PRDM15: variants seen among roughly 807,000 people sequenced by gnomAD.
PRDM15 encodes the protein PR/SET domain 15, also known as PR domain zinc finger protein 15.
A neutral mutation model predicts 128.6 loss-of-function variants in PRDM15; 64 were observed. That is an observed-to-expected ratio of 0.50 (90% CI 0.41 to 0.61). The LOEUF (loss-of-function observed/expected upper bound fraction) is 0.61, where lower values mean the gene tolerates loss of function less well. Among genes scored for constraint, PRDM15 ranks in the 20% least tolerant of loss-of-function variants. PRDM15 has a pLI of 0.00. For missense variants in PRDM15, 1,242 were observed against 1,569.1 expected, an observed-to-expected ratio of 0.79 and a Z score of 3.52; for synonymous variants, 615 against 621.8, an observed-to-expected ratio of 0.99 and a Z score of 0.16.
Position 41,839,690 on chromosome 21 carries a change from C to T in PRDM15, c.804G>A (p.Arg268=), listed in dbSNP as rs201971425. 4 of 1,614,146 alleles carry T rather than the reference C, an allele frequency of 2.5e-6. No individual in the cohort carries two copies. The highest frequency in any genetic ancestry group is 1.1e-5 in the South Asian group (1 of 91,090). Residue 268 remains arginine, a synonymous_variant, in exon 7 of 24, where the codon AGG becomes AGA. Coordinates refer to ENST00000398548, the MANE Select transcript of PRDM15 (RefSeq NM_001040424.3). The stretch of plus-strand genomic sequence containing the variant: ...CTTTGGACACTTTGGGTTTTCTCCC[C>T]CTTCGAGGCTTTTTCTTCTGTTCTT... ...ATKEQKKKPR[R]GRKPKVSKAE...
rs963445572 is a variant in PRDM15 at position 41,803,651 on chromosome 21, C to T, written c.2734-730G>A. Among the ~76,000 whole-genome samples the T allele has an allele frequency of 1.5e-4, 23 of 152,286 alleles. No individual in the cohort carries two copies. In the East Asian group the frequency reaches 3.9e-3, roughly 26 times the overall value. On this transcript the variant is annotated intron_variant, in intron 22 of 23. Coordinates refer to ENST00000398548, the MANE Select transcript of PRDM15 (RefSeq NM_001040424.3). ...ACACCGCTGTCATGGTGGGACGACC[C>T]GTCCCCCCCATGCCTGTGACTTGCC...
chr21:41,860,482 G>C, intron 1 of PRDM15, 110 bp from the exon 2 acceptor site: 3 of 894,126 alleles, frequency 3.4e-6, no homozygotes, highest in Non-Finnish European at 5.3e-6. Context: ...GAGTACAGTG[G>C]CAGGATCTTG....
chr21:41,853,141 G>A (rs1179034180), intron 5 of PRDM15, among the ~76,000 whole-genome samples: 1 of 152,232 alleles, frequency 6.6e-6, no homozygotes, highest in Non-Finnish European at 1.5e-5. Flanking sequence ...CATTTCTGAC[G>A]TGAAGGCACT....
At chr21:41,803,470 T>G (rs116065629) in intron 22 of PRDM15, among the ~76,000 whole-genome samples, 3,972 of 152,298 alleles carry the variant, frequency 0.026, 186 homozygotes, top group African/African-American at 0.09. Context: ...GACCACATCC[T>G]CTGAACCGGG....
chr21:41,876,660 G>C (rs1219766474), intron 1 of PRDM15, among the ~76,000 whole-genome samples: 1 of 152,160 alleles, frequency 6.6e-6, no homozygotes, highest in Non-Finnish European at 1.5e-5. Context: ...CCCCGGGGCA[G>C]GGTCTTCTCC....
chr21:41,873,552 G>A (rs1480207613), intron 1 of PRDM15, among the ~76,000 whole-genome samples: 2 of 152,156 alleles, frequency 1.3e-5, no homozygotes, highest in Non-Finnish European at 1.5e-5. Context: ...CTGAAATTCT[G>A]TGACCTGCTT....
chr21:41,850,082 GA>G (rs1185218852), intron 5 of PRDM15, among the ~76,000 whole-genome samples: 1 of 152,242 alleles, frequency 6.6e-6, no homozygotes, highest in Non-Finnish European at 1.5e-5. Context: ...CTTTTCACCA[GA>G]AAGGTGATTT....
chr21:41,834,361 T>C, intron 11 of PRDM15: 2 of 726,886 alleles, frequency 2.8e-6, no homozygotes, highest in South Asian at 1.7e-5. Flanking sequence ...GCGACAGCCC[T>C]GGTCAGAGCC....
rs1423979577 is a variant in PRDM15 at position 41,828,142 on chromosome 21, C to T, written c.1534+24G>A. Reference sequence around the variant, plus strand: ...CGCAGGAGCTGCCTCTCCCCGCCCGCAGCAGGTGCGCAGGCGGCCTCACCT... The same window carrying T: ...CGCAGGAGCTGCCTCTCCCCGCCCGTAGCAGGTGCGCAGGCGGCCTCACCT... On this transcript the variant is annotated intron_variant, in intron 12 of 23. Transcript: ENST00000398548. This position sits in a 1 kb window ranked among gnomAD's most constrained non-coding sequence, Gnocchi z 5.7. The T allele has an allele frequency of 1.2e-6, 2 of 1,611,296 alleles. No individual in the cohort carries two copies. The highest frequency in any genetic ancestry group is 1.7e-6 in the Non-Finnish European group (2 of 1,179,316).
rs1601524162 is a variant in PRDM15 at position 41,879,195 on chromosome 21, G to A, written c.-10+75C>T. 1 of 798,868 alleles carries A rather than the reference G, an allele frequency of 1.3e-6. No homozygotes were observed. The highest frequency in any genetic ancestry group is 1.9e-5 in the African/African-American group (1 of 52,680). 49.5% of individuals were successfully genotyped at this position (798,868 alleles called of 1,614,324 possible). ...GGCCCAGGGCGCGCCGGGGCTCGCG[G>A]GGGCAGCGGGTGCGGCCCGGGGCCG... On this transcript the variant is annotated intron_variant, in intron 1 of 23. Coordinates refer to ENST00000398548, the MANE Select transcript of PRDM15 (RefSeq NM_001040424.3). The surrounding 1 kb of genome is among the most constrained non-coding windows in gnomAD (Gnocchi z 5.1).
chr21:41,818,859 C>T (rs2062145178), intron 18 of PRDM15, among the ~76,000 whole-genome samples: 1 of 152,112 alleles, frequency 6.6e-6, no homozygotes, highest in African/African-American at 2.4e-5. Context: ...TAAGTTGAGA[C>T]ATCTTATTAC....
intron 11 of PRDM15, among the ~76,000 whole-genome samples, chr21:41,829,026 C>T (rs1009547737): frequency 2.7e-5 from 4 of 146,754 alleles, no homozygotes; most frequent in Non-Finnish European, 6.0e-5. Context: ...ATACACACTA[C>T]ACACACACGC....
rs575597527 is a variant in PRDM15, at chr21:41,800,227, C to T, written c.*1013G>A. 2 of 152,258 alleles carry T rather than the reference C, an allele frequency of 1.3e-5. No homozygotes were observed. Among genetic ancestry groups the T allele is most frequent in the South Asian group, 4.2e-4 (2 of 4,818 alleles). The allele number at this position is 152,258 out of a possible 1,614,324, so 9.4% of individuals were successfully genotyped here. A position where few individuals can be genotyped will look rare whatever the true frequency, so the allele number is the denominator to read the frequency against. On this transcript the variant is annotated 3_prime_UTR_variant, in exon 24 of 24. Transcript: ENST00000398548. ...AACAGAAGGAAAATATGACTTTTCC[C>T]CCGTTTCTTCCACTCGGGATTCTGG...
chr21:41,873,663 T>G (rs2064295101), intron 1 of PRDM15, among the ~76,000 whole-genome samples: 1 of 152,192 alleles, frequency 6.6e-6, no homozygotes, highest in Admixed American at 6.5e-5. Flanking sequence ...CTGAACCTCT[T>G]AGTTTCATCA....
intron 22 of PRDM15, among the ~76,000 whole-genome samples, chr21:41,804,123 T>C (rs950118626): frequency 2.0e-5 from 3 of 152,038 alleles, no homozygotes; most frequent in Non-Finnish European, 2.9e-5. Context: ...ACTACCACAT[T>C]TGGCTAATTT....
At chr21:41,856,606 G>T (rs58224081) in intron 4 of PRDM15, among the ~76,000 whole-genome samples, 12,596 of 152,090 alleles carry the variant, frequency 0.083, 671 homozygotes, top group South Asian at 0.21. Context: ...CCTTCCAGAG[G>T]GCTCATTTTT....
intron 3 of PRDM15, chr21:41,858,950 A>C (rs1426938365): frequency 1.8e-6 from 2 of 1,132,218 alleles, no homozygotes; most frequent in East Asian, 5.2e-5. Flanking sequence ...ATCACCCACA[A>C]CACCACAACC....
In PRDM15 at chr21:41,804,597, G is replaced by T; in HGVS notation, c.2670C>A (p.Ile890=). The T allele has an allele frequency of 6.4e-7, 1 of 1,566,360 alleles. No individual in the cohort carries two copies. Among genetic ancestry groups the T allele is most frequent in the South Asian group, 1.2e-5 (1 of 84,938 alleles). Residue 890 remains isoleucine (I), a synonymous_variant, in exon 22 of 24, where the codon ATC becomes ATA. Coordinates refer to ENST00000398548, the MANE Select transcript of PRDM15 (RefSeq NM_001040424.3). Reference sequence around the variant, plus strand: ...TCTCCGGGAGGTGGTCCAGGTCATCGATCCTCACCGCGAGCACCTATGAGG... The same window carrying T: ...TCTCCGGGAGGTGGTCCAGGTCATCTATCCTCACCGCGAGCACCTATGAGG... ...RKHPEVLAVR[I]DDLDHLPETT...
Position 41,876,306 on chromosome 21 carries a change from C to T in PRDM15, c.-10+2964G>A, listed in dbSNP as rs75262875. Among the ~76,000 whole-genome samples the T allele has an allele frequency of 1.6e-4, 24 of 152,304 alleles. No individual in the cohort carries two copies. In the East Asian group the frequency reaches 2.3e-3, roughly 15 times the overall value. On this transcript the variant is annotated intron_variant, in intron 1 of 23. Transcript: ENST00000398548. ...AGTTCACATAGCATGGACAAATGCT[C>T]GCCTCTGTCCCTATTCCTCTTTCTA...
Sources: gnomAD v4.1 joint callset for allele counts (sites outside exome capture counted in the v4.1 genomes callset) on GRCh38, gnomAD v4.1.1 for gene constraint, Gnocchi (gnomAD v3.1) non-coding constraint, MANE v1.5 for transcripts, NCBI Gene and HGNC (gene_info 2026-07-23, HGNC 2026-07-21) for gene names.